The following QRICH1 variants were observed in gnomAD, a reference collection of about 807,000 sequenced individuals.
QRICH1 encodes glutamine rich 1.
A neutral mutation model predicts 87.1 loss-of-function variants in QRICH1; 16 were observed. That is an observed-to-expected ratio of 0.18 (90% CI 0.12 to 0.28). The LOEUF (loss-of-function observed/expected upper bound fraction) is 0.28, where lower values mean the gene tolerates loss of function less well. Among genes scored for constraint, QRICH1 ranks in the 10% least tolerant of loss-of-function variants. The pLI, the probability that QRICH1 is intolerant of heterozygous loss-of-function variation, is 1.00. For synonymous variants in QRICH1, 367 were observed against 368.4 expected, an observed-to-expected ratio of 1.00 and a Z score of 0.05; for missense variants, 647 against 951.7, an observed-to-expected ratio of 0.68 and a Z score of 4.21.
At chr3:49,044,006 C>T (rs1309365396) in intron 6 of QRICH1, among the ~76,000 whole-genome samples, 3 of 152,152 alleles carry the variant, frequency 2.0e-5, no homozygotes. Context: ...CACTGAATAA[C>T]CTATGCTTTT....
Position 49,068,062 on chromosome 3 carries a change from T to G in QRICH1, c.309+8647A>C, listed in dbSNP as rs1323029631. Among the ~76,000 whole-genome samples, 4 of 152,144 alleles carry G rather than the reference T, an allele frequency of 2.6e-5. No individual in the cohort carries two copies. In the East Asian group the frequency reaches 7.7e-4, roughly 29 times the overall value. ...AAAAAGTATTACATTTTACTTGAAATTAAAATGAAATGAGGTGCTAAGTGC... is the reference window on the plus strand; with the variant it reads ...AAAAAGTATTACATTTTACTTGAAAGTAAAATGAAATGAGGTGCTAAGTGC... On this transcript the variant is annotated intron_variant, in intron 2 of 9. Coordinates refer to ENST00000395443, the MANE Select transcript of QRICH1 (RefSeq NM_198880.3).
chr3:49,089,420 T>C (rs2042230757), intron 1 of QRICH1, among the ~76,000 whole-genome samples: 1 of 152,186 alleles, frequency 6.6e-6, no homozygotes, highest in South Asian at 2.1e-4. Flanking sequence ...TGACGGATTG[T>C]AAACTGGCAC....
intron 2 of QRICH1, among the ~76,000 whole-genome samples, chr3:49,058,845 C>T (rs2093417976): frequency 1.3e-5 from 2 of 152,080 alleles, no homozygotes; most frequent in Admixed American, 1.3e-4. Context: ...TCAGGCTGGT[C>T]TCGAACTCCC....
At chr3:49,089,483 C>T (rs2042231590) in intron 1 of QRICH1, among the ~76,000 whole-genome samples, 1 of 152,104 alleles carries the variant, frequency 6.6e-6, no homozygotes, top group Non-Finnish European at 1.5e-5. Context: ...CGAACCTGAG[C>T]AATTTTACCC....
chr3:49,093,070 G>A (rs2042308628), intron 1 of QRICH1, among the ~76,000 whole-genome samples: 1 of 152,140 alleles, frequency 6.6e-6, no homozygotes, highest in East Asian at 1.9e-4. Context: ...TACGCTTATG[G>A]ACGTATTAGT....
intron 3 of QRICH1, among the ~76,000 whole-genome samples, chr3:49,050,422 C>CAAAAA (rs552220438): frequency 5.6e-4 from 33 of 58,616 alleles, no homozygotes; most frequent in Non-Finnish European, 7.5e-4. Flanking sequence ...GACTCTGTCT[C>CAAAAA]AAAAAAAAAA....
At chr3:49,055,963 G>A (rs2106899592) in intron 3 of QRICH1, among the ~76,000 whole-genome samples, 1 of 150,926 alleles carries the variant, frequency 6.6e-6, no homozygotes, top group Admixed American at 6.6e-5. Flanking sequence ...ACATGCATGA[G>A]CCACCGTGCC....
At chr3:49,055,833 C>T (rs1294903517) in intron 3 of QRICH1, among the ~76,000 whole-genome samples, 7 of 152,074 alleles carry the variant, frequency 4.6e-5, no homozygotes, top group East Asian at 3.9e-4. Flanking sequence ...TGTGTGCCAC[C>T]ACACCCGGCT....
chr3:49,090,502 C>T (rs2042253767), intron 1 of QRICH1, among the ~76,000 whole-genome samples: 1 of 150,080 alleles, frequency 6.7e-6, no homozygotes, highest in Admixed American at 6.7e-5. Flanking sequence ...GTGGCGGGCA[C>T]CTGTAATTCC....
chr3:49,060,718 G>A (rs1302800208), intron 2 of QRICH1, among the ~76,000 whole-genome samples: 1 of 152,206 alleles, frequency 6.6e-6, no homozygotes, highest in Non-Finnish European at 1.5e-5. Flanking sequence ...ACAGAGGTGA[G>A]CATTACCACC....
At chr3:49,087,449 G>A (rs1380888013) in intron 1 of QRICH1, among the ~76,000 whole-genome samples, 1 of 151,446 alleles carries the variant, frequency 6.6e-6, no homozygotes, top group East Asian at 1.9e-4. Context: ...GGAAGCTGAG[G>A]CAGGAGAATT....
At position 49,030,442 on chromosome 3, in the gene QRICH1, C is replaced by CA. The variant is rs760375162; in HGVS notation, c.*9_*10insT. 6.2e-7 allele frequency: 1 copy of CA among 1,611,806 alleles called. No homozygotes were observed. The highest frequency in any genetic ancestry group is 1.7e-5 in the Admixed American group (1 of 59,942). On this transcript the variant is annotated 3_prime_UTR_variant, in exon 10 of 10. Transcript: ENST00000395443. ...CTGGCTGGTTTCTCTTGTGCCATGGCCAAGGCATCTCAGTGCATAGTGCTT... is the reference window on the plus strand; with the variant it reads ...CTGGCTGGTTTCTCTTGTGCCATGGCACAAGGCATCTCAGTGCATAGTGCTT...
chr3:49,078,248 C>G (rs1462172272), intron 1 of QRICH1, among the ~76,000 whole-genome samples: 1 of 152,130 alleles, frequency 6.6e-6, no homozygotes, highest in Admixed American at 6.6e-5. Flanking sequence ...TAAACGTCTC[C>G]TTTCTTCTAC....
chr3:49,059,411 C>T (rs1360825182), intron 2 of QRICH1, among the ~76,000 whole-genome samples: 1 of 151,578 alleles, frequency 6.6e-6, no homozygotes, highest in Non-Finnish European at 1.5e-5. Flanking sequence ...ACACCACCAC[C>T]ACACCCAGCT....
Position 49,032,755 on chromosome 3 carries a change from T to A in QRICH1, c.1914A>T (p.Thr638=). The A allele has an allele frequency of 6.2e-7, 1 of 1,606,880 alleles. No individual in the cohort carries two copies. Among genetic ancestry groups the A allele is most frequent in the Non-Finnish European group, 8.5e-7 (1 of 1,177,942 alleles). The part of the protein sequence containing the change: ...FFNTKYFLLK[T]VDQHMKLAFS... ...AGGCCAGCTTCATGTGCTGGTCCAC[T>A]GTCTTCAATAGGAAGTACCTGGATC... The change falls in exon 8 of 10, where the codon ACA becomes ACT. Residue 638 remains threonine (T), a synonymous_variant. Transcript: ENST00000395443.
intron 5 of QRICH1, among the ~76,000 whole-genome samples, chr3:49,044,946 T>C (rs2093330630): frequency 6.6e-6 from 1 of 151,710 alleles, no homozygotes; most frequent in African/African-American, 2.4e-5. Context: ...ACATAGTACT[T>C]AGGTTAGGAC....
intron 4 of QRICH1, among the ~76,000 whole-genome samples, 161 bp from the exon 5 acceptor site, chr3:49,046,740 T>G (rs1209710741): frequency 6.6e-6 from 1 of 152,174 alleles, no homozygotes; most frequent in East Asian, 1.9e-4. Context: ...AACATGAGTA[T>G]ATGAGCCTAA....
intron 9 of QRICH1, 115 bp from the exon 10 acceptor site, chr3:49,030,759 C>T: frequency 1.1e-6 from 1 of 909,900 alleles, no homozygotes; most frequent in Non-Finnish European, 1.6e-6. Context: ...TATTGTGGCA[C>T]AGCTACTGAA....
intron 2 of QRICH1, among the ~76,000 whole-genome samples, chr3:49,073,312 C>T (rs1239023168): frequency 2.0e-5 from 3 of 151,972 alleles, no homozygotes; most frequent in African/African-American, 4.8e-5. Flanking sequence ...AGGCCAAGGC[C>T]GGTGGATCAC....
Sources: gnomAD v4.1 joint callset for allele counts (sites outside exome capture counted in the v4.1 genomes callset) on GRCh38, gnomAD v4.1.1 for gene constraint, MANE v1.5 for transcripts, NCBI Gene and HGNC (gene_info 2026-07-23, HGNC 2026-07-21) for gene names.